ZNF260: variants seen among roughly 807,000 people sequenced by gnomAD.
ZNF260 encodes zinc finger protein 260, also known as zfp-260.
In ZNF260, 21 loss-of-function variants were observed where a neutral mutation model predicts 29.3. The ratio of observed to expected loss-of-function variants is 0.72; its 90% CI spans 0.51 to 1.03. The LOEUF (loss-of-function observed/expected upper bound fraction) is 1.03, where lower values mean the gene tolerates loss of function less well. Ranked by LOEUF, ZNF260 falls within the 50% of genes least tolerant of loss-of-function variation. The probability of loss-of-function intolerance (pLI) is 0.00; values close to 1 mark genes in which losing one functional copy is unlikely to be tolerated. For missense variants in ZNF260, 465 were observed against 487.8 expected (o/e 0.95, Z 0.44); for synonymous variants, 156 against 156.8 (o/e 0.99, Z 0.04).
chr19:36,522,045 T>C (rs541085243), intron 2 of ZNF260, among the ~76,000 whole-genome samples: 1 of 151,464 alleles, frequency 6.6e-6, no homozygotes, highest in Non-Finnish European at 1.5e-5. Context: ...TGAGACTTCA[T>C]CTCAAACAAA....
Position 36,513,666 on chromosome 19 carries a change from C to A in ZNF260, c.*334G>T. ...CATCACAAAAATGATAATTTTGTCT[C>A]TTAATTTCAAATCCTCATACATCTC... On this transcript the variant is annotated 3_prime_UTR_variant, in exon 3 of 3. Transcript: ENST00000523638. The A allele has an allele frequency of 2.4e-6, 1 of 415,070 alleles. No individual in the cohort carries two copies. Among genetic ancestry groups the A allele is most frequent in the South Asian group, 9.7e-5 (1 of 10,360 alleles). 25.7% of individuals were successfully genotyped at this position (415,070 alleles called of 1,614,324 possible). A position where few individuals can be genotyped will look rare whatever the true frequency, so the allele number is the denominator to read the frequency against.
In ZNF260 at chr19:36,525,156, A is replaced by T. The variant is rs1162578708; in HGVS notation, c.-463T>A. ...AGTCTTTATCTCATTCATACCTACCAGGTTCTTGCTTACTCACACAAAGAG... is the reference window on the plus strand; with the variant it reads ...AGTCTTTATCTCATTCATACCTACCTGGTTCTTGCTTACTCACACAAAGAG... On this transcript the variant is annotated splice_region_variant and 5_prime_UTR_variant, in exon 2 of 3. Transcript: ENST00000523638. 1 of 152,220 alleles carries T rather than the reference A, an allele frequency of 6.6e-6. No individual in the cohort carries two copies. Among genetic ancestry groups the T allele is most frequent in the African/African-American group, 2.4e-5 (1 of 41,456 alleles). 9.4% of individuals were successfully genotyped at this position (152,220 alleles called of 1,614,324 possible). A position where few individuals can be genotyped will look rare whatever the true frequency, so the allele number is the denominator to read the frequency against.
intron 2 of ZNF260, among the ~76,000 whole-genome samples, chr19:36,520,701 A>C (rs2034629597): frequency 6.6e-6 from 1 of 151,946 alleles, no homozygotes; most frequent in Non-Finnish European, 1.5e-5. Flanking sequence ...AAAGACAAAA[A>C]CAAAAAAAAT....
At position 36,515,134 on chromosome 19, in the gene ZNF260, A is replaced by G. The variant is rs2145741670; in HGVS notation, c.105T>C (p.Thr35=). 1.2e-6 allele frequency: 2 copies of G among 1,614,000 alleles called. No homozygotes were observed. The highest frequency in any genetic ancestry group is 1.7e-6 in the Non-Finnish European group (2 of 1,179,934). ...CTACAAGGTTTTGCTTCAGGCTAAA[A>G]GTTTTTCTACATTCATTACATTCAT... The part of the protein sequence containing the change: ...KPYECNECRK[T]FSLKQNLVEH... The change falls in exon 3 of 3, where the codon ACT becomes ACC. Residue 35 remains threonine, a synonymous_variant. Transcript: ENST00000523638.
At position 36,514,257 on chromosome 19, in the gene ZNF260, C is replaced by T; in HGVS notation, c.982G>A (p.Gly328Ser). Residue 328 changes from glycine to serine, a missense_variant, in exon 3 of 3, where the codon GGT (glycine) becomes AGT (serine). Coordinates refer to ENST00000523638, the MANE Select transcript of ZNF260 (RefSeq NM_001166037.2). Reference sequence around the variant, plus strand: ...ACCTTACACTCATAAGGCTTATCACCTGTATGAATTCTCACATGTACAATA... The same window carrying T: ...ACCTTACACTCATAAGGCTTATCACTTGTATGAATTCTCACATGTACAATA... ...SLIVHVRIHT[G>S]DKPYECKVCG... 1 of 1,614,134 alleles carries T rather than the reference C, an allele frequency of 6.2e-7. No homozygotes were observed. Among genetic ancestry groups the T allele is most frequent in the Non-Finnish European group, 8.5e-7 (1 of 1,180,006 alleles).
At position 36,513,008 on chromosome 19, in the gene ZNF260, T is replaced by C. The variant is rs1263310422; in HGVS notation, c.*992A>G. On this transcript the variant is annotated 3_prime_UTR_variant, in exon 3 of 3. Transcript: ENST00000523638. ...TCATAAATAGTTGAGAACAGTACAA[T>C]AAGGTATTCTGAGAGAAAGATCATA... 1 of 152,196 alleles carries C rather than the reference T, an allele frequency of 6.6e-6. No individual in the cohort carries two copies. Among genetic ancestry groups the C allele is most frequent in the Non-Finnish European group, 1.5e-5 (1 of 68,026 alleles). 9.4% of individuals were successfully genotyped at this position (152,196 alleles called of 1,614,324 possible).
chr19:36,512,788 C>T lies in ZNF260; in HGVS notation c.*1212G>A, dbSNP rs1309014500. Reference sequence around the variant, plus strand: ...TACTATGTTACTATCACATTTTATTCATCTATTTCACAAGAGACAGCATTT... The same window carrying T: ...TACTATGTTACTATCACATTTTATTTATCTATTTCACAAGAGACAGCATTT... On this transcript the variant is annotated 3_prime_UTR_variant, in exon 3 of 3. Transcript: ENST00000523638. 2.0e-5 allele frequency: 3 copies of T among 152,060 alleles called. No individual in the cohort carries two copies. Among genetic ancestry groups the T allele is most frequent in the African/African-American group, 7.2e-5 (3 of 41,414 alleles). 9.4% of individuals were successfully genotyped at this position (152,060 alleles called of 1,614,324 possible).
At chr19:36,523,410 C>T (rs978404184) in intron 2 of ZNF260, among the ~76,000 whole-genome samples, 3 of 152,020 alleles carry the variant, frequency 2.0e-5, no homozygotes, top group African/African-American at 7.2e-5. Context: ...TACTTGAAAG[C>T]CTTTTTGTAT....
In ZNF260 at chr19:36,513,470, TC is replaced by T. The variant is rs2034485453; in HGVS notation, c.*529del. 5.9e-6 allele frequency: 2 copies of T among 338,670 alleles called. No individual in the cohort carries two copies. Among genetic ancestry groups the T allele is most frequent in the African/African-American group, 2.1e-5 (1 of 47,642 alleles). 21.0% of individuals were successfully genotyped at this position (338,670 alleles called of 1,614,324 possible). A position where few individuals can be genotyped will look rare whatever the true frequency, so the allele number is the denominator to read the frequency against. On this transcript the variant is annotated 3_prime_UTR_variant, in exon 3 of 3. Transcript: ENST00000523638. ...GAAGAGTCAATTAATTTTTAAGTAATCCATGATTTCCCCACCAATCTGGGAT... is the reference window on the plus strand; with the variant it reads ...GAAGAGTCAATTAATTTTTAAGTAATCATGATTTCCCCACCAATCTGGGAT...
In ZNF260 at chr19:36,513,577, A is replaced by T; in HGVS notation, c.*423T>A. The T allele has an allele frequency of 2.5e-6, 1 of 405,552 alleles. No individual in the cohort carries two copies. The highest frequency in any genetic ancestry group is 4.4e-6 in the Non-Finnish European group (1 of 229,110). 25.1% of individuals were successfully genotyped at this position (405,552 alleles called of 1,614,324 possible). A position where few individuals can be genotyped will look rare whatever the true frequency, so the allele number is the denominator to read the frequency against. On this transcript the variant is annotated 3_prime_UTR_variant, in exon 3 of 3. Coordinates refer to ENST00000523638, the MANE Select transcript of ZNF260 (RefSeq NM_001166037.2). ...AATATTCTGTCTCAGTCTCAGTTTT[A>T]TGACTGCTTCAACAACAAATAATTT...
Position 36,513,084 on chromosome 19 carries a change from T to C in ZNF260, c.*916A>G, listed in dbSNP as rs777619450. ...ATATTGTTATAATTGTTCCATATTA[T>C]GTTTATTATTGTTTTAAATCTCTTG... On this transcript the variant is annotated 3_prime_UTR_variant, in exon 3 of 3. Coordinates refer to ENST00000523638, the MANE Select transcript of ZNF260 (RefSeq NM_001166037.2). The C allele has an allele frequency of 2.0e-5, 3 of 152,198 alleles. No individual in the cohort carries two copies. Among genetic ancestry groups the C allele is most frequent in the Non-Finnish European group, 2.9e-5 (2 of 68,014 alleles). The allele number at this position is 152,198 out of a possible 1,614,324, so 9.4% of individuals were successfully genotyped here.
At position 36,524,632 on chromosome 19, in the gene ZNF260, C is replaced by A. The variant is rs573207242; in HGVS notation, c.-462+523G>T. On this transcript the variant is annotated intron_variant, in intron 2 of 2. Coordinates refer to ENST00000523638, the MANE Select transcript of ZNF260 (RefSeq NM_001166037.2). ...AGTAGATAAACAAGTGAACAAAGGT[C>A]TCTGGTTTTCCTAGGCAGAGGACCC... Among the ~76,000 whole-genome samples the A allele has an allele frequency of 2.0e-5, 3 of 146,468 alleles. No individual in the cohort carries two copies. In the Admixed American group the frequency reaches 2.1e-4, roughly 10 times the overall value.
intron 2 of ZNF260, among the ~76,000 whole-genome samples, chr19:36,521,753 A>T (rs552590731): frequency 1.4e-5 from 2 of 146,574 alleles, no homozygotes; most frequent in Admixed American, 1.4e-4. Context: ...GACTCTGTCT[A>T]AAAAAATAAA....
chr19:36,527,558 C>T (rs888618848), intron 1 of ZNF260, among the ~76,000 whole-genome samples: 1 of 152,140 alleles, frequency 6.6e-6, no homozygotes, highest in African/African-American at 2.4e-5. Context: ...TTGACCTCTG[C>T]GCTAAAGGCA....
chr19:36,528,252 T>G lies in ZNF260; in HGVS notation c.-714A>C, dbSNP rs2034770507. 6.8e-6 allele frequency: 1 copy of G among 146,646 alleles called. No homozygotes were observed. Among genetic ancestry groups the G allele is most frequent in the Non-Finnish European group, 1.5e-5 (1 of 65,460 alleles). The allele number at this position is 146,646 out of a possible 1,614,324, so 9.1% of individuals were successfully genotyped here. ...AAAGACGACCATGGCAAGTCGGAGA[T>G]TCCGCGCCTGCGCACTCCTTCCGCG... On this transcript the variant is annotated 5_prime_UTR_variant, in exon 1 of 3. Coordinates refer to ENST00000523638, the MANE Select transcript of ZNF260 (RefSeq NM_001166037.2).
intron 2 of ZNF260, among the ~76,000 whole-genome samples, chr19:36,520,668 T>C (rs1243341111): frequency 2.6e-5 from 4 of 151,986 alleles, no homozygotes; most frequent in Admixed American, 2.0e-4. Flanking sequence ...CTGGCTAACA[T>C]GGTGAAACCC....
rs1249678039 is a variant in ZNF260 at position 36,515,472 on chromosome 19, A to C, written c.-234T>G. 2 of 414,442 alleles carry C rather than the reference A, an allele frequency of 4.8e-6. No individual in the cohort carries two copies. Among genetic ancestry groups the C allele is most frequent in the Non-Finnish European group, 8.8e-6 (2 of 227,018 alleles). The allele number at this position is 414,442 out of a possible 1,614,324, so 25.7% of individuals were successfully genotyped here. ...TTTATATTCTTAATGGTTCTTATATAGCTTCTCCCATATTTAGGTATAGAT... is the reference window on the plus strand; with the variant it reads ...TTTATATTCTTAATGGTTCTTATATCGCTTCTCCCATATTTAGGTATAGAT... On this transcript the variant is annotated 5_prime_UTR_variant, in exon 3 of 3. Transcript: ENST00000523638.
At position 36,511,909 on chromosome 19, in the gene ZNF260, C is replaced by T. The variant is rs2034458294; in HGVS notation, c.*2091G>A. ...CAGGAGTTAATGTTTTCCTCAATGG[C>T]TTATAAAAAAATTGAAGAGTGACAC... On this transcript the variant is annotated 3_prime_UTR_variant, in exon 3 of 3. Coordinates refer to ENST00000523638, the MANE Select transcript of ZNF260 (RefSeq NM_001166037.2). 1 of 151,966 alleles carries T rather than the reference C, an allele frequency of 6.6e-6. No individual in the cohort carries two copies. Among genetic ancestry groups the T allele is most frequent in the South Asian group, 2.1e-4 (1 of 4,812 alleles). 9.4% of individuals were successfully genotyped at this position (151,966 alleles called of 1,614,324 possible). A position where few individuals can be genotyped will look rare whatever the true frequency, so the allele number is the denominator to read the frequency against.
rs528202813 is a variant in ZNF260, at chr19:36,514,414, G to A, written c.825C>T (p.Pro275=). 1 of 1,613,582 alleles carries A rather than the reference G, an allele frequency of 6.2e-7. No homozygotes were observed. The highest frequency in any genetic ancestry group is 1.1e-5 in the South Asian group (1 of 91,056). ...TTGTTCCACATTCATTACATTTGTA[G>A]GGTTTCTCTCCAATATGAATTTTCT... ...EHEKIHIGEK[P]YKCNECGTIF... is the part of the protein sequence containing the mutation. The change falls in exon 3 of 3, where the codon CCC becomes CCT. Residue 275 remains proline (P), a synonymous_variant. Coordinates refer to ENST00000523638, the MANE Select transcript of ZNF260 (RefSeq NM_001166037.2).
Sources: allele counts gnomAD v4.1 joint callset (sites outside exome capture counted in the v4.1 genomes callset), GRCh38; gene constraint gnomAD v4.1.1; transcripts MANE v1.5; gene names NCBI Gene and HGNC (gene_info 2026-07-23, HGNC 2026-07-21).